FLT3: variants seen among roughly 807,000 people sequenced by gnomAD.
FLT3 encodes the protein fms related receptor tyrosine kinase 3, also known as receptor-type tyrosine-protein kinase FLT3.
Under a neutral mutation model 126.6 loss-of-function variants are expected in FLT3, and 46 were observed. That is an observed-to-expected ratio of 0.36 (90% CI 0.29 to 0.46). The LOEUF (loss-of-function observed/expected upper bound fraction) is 0.46, where lower values mean the gene tolerates loss of function less well. Among genes scored for constraint, FLT3 ranks in the 20% least tolerant of loss-of-function variants. FLT3 has a pLI of 1.00. For missense variants in FLT3, 1,069 were observed against 1,190.3 expected (o/e 0.90, Z 1.50); for synonymous variants, 404 against 434.4 (o/e 0.93, Z 0.87).
intron 12 of FLT3, among the ~76,000 whole-genome samples, chr13:28,034,788 C>G (rs1432872541): frequency 6.6e-6 from 1 of 152,024 alleles, no homozygotes; most frequent in Non-Finnish European, 1.5e-5. Context: ...AATCCCGTCT[C>G]TAAAAAAATT....
chr13:28,091,807 C>T (rs944489756), intron 1 of FLT3, among the ~76,000 whole-genome samples: 11 of 152,110 alleles, frequency 7.2e-5, no homozygotes, highest in African/African-American at 2.7e-4. Context: ...GCCAGGATTA[C>T]GCCTGTAATC....
At chr13:28,035,186 G>A (rs1873723201) in intron 12 of FLT3, among the ~76,000 whole-genome samples, 1 of 152,110 alleles carries the variant, frequency 6.6e-6, no homozygotes, top group Non-Finnish European at 1.5e-5. Context: ...AATCAAAAGG[G>A]AAAATGACAG....
chr13:28,089,494 G>C (rs1878889204), intron 1 of FLT3, among the ~76,000 whole-genome samples: 1 of 151,928 alleles, frequency 6.6e-6, no homozygotes. Flanking sequence ...AACAAACTGA[G>C]GCCTATCCAT....
At chr13:28,056,144 C>G (rs1875981295) in intron 4 of FLT3, among the ~76,000 whole-genome samples, 1 of 152,178 alleles carries the variant, frequency 6.6e-6, no homozygotes, top group Non-Finnish European at 1.5e-5. Context: ...GTAGCTTTGA[C>G]AGCAAGACCC....
rs1250019200 is a variant in FLT3 at position 28,062,072 on chromosome 13, A to G, written c.166-3T>C. On this transcript the variant is annotated splice_region_variant and splice_polypyrimidine_tract_variant and intron_variant, in intron 2 of 23. Transcript: ENST00000241453. ...AGGTCTTCCGGGGATTCTGATACCT[A>G]CGTTGCAGATAGAACAAAGTGAATT... 2 of 1,610,704 alleles carry G rather than the reference A, an allele frequency of 1.2e-6. No individual in the cohort carries two copies. The highest frequency in any genetic ancestry group is 4.5e-5 in the East Asian group (2 of 44,860).
intron 1 of FLT3, among the ~76,000 whole-genome samples, chr13:28,099,074 T>C (rs2137841268): frequency 6.6e-6 from 1 of 152,260 alleles, no homozygotes; most frequent in Non-Finnish European, 1.5e-5. Flanking sequence ...TGTGCATATT[T>C]ACTGTGTGCC....
At chr13:28,091,152 T>C (rs1879004261) in intron 1 of FLT3, among the ~76,000 whole-genome samples, 1 of 149,194 alleles carries the variant, frequency 6.7e-6, no homozygotes, top group Admixed American at 6.7e-5. Context: ...CTGAAAGTTA[T>C]CAGCTTTGAA....
At chr13:28,050,426 A>T (rs1875333704) in intron 5 of FLT3, among the ~76,000 whole-genome samples, 1 of 152,234 alleles carries the variant, frequency 6.6e-6, no homozygotes, top group Non-Finnish European at 1.5e-5. Context: ...ATGAATTAGC[A>T]TAACACTAAG....
intron 1 of FLT3, among the ~76,000 whole-genome samples, chr13:28,094,263 G>A (rs994292357): frequency 6.6e-6 from 1 of 152,016 alleles, no homozygotes; most frequent in Non-Finnish European, 1.5e-5. Context: ...AATATTCCAA[G>A]ACCGAATTCA....
intron 9 of FLT3, among the ~76,000 whole-genome samples, chr13:28,040,744 C>G (rs563487820): frequency 1.3e-5 from 2 of 152,092 alleles, no homozygotes; most frequent in Non-Finnish European, 2.9e-5. Flanking sequence ...CATCTGTAAT[C>G]CCAGCACTCT....
rs377441260 is a variant in FLT3 at position 28,023,492 on chromosome 13, C to T, written c.2291-15G>A. On this transcript the variant is annotated splice_polypyrimidine_tract_variant and intron_variant, in intron 18 of 23. Coordinates refer to ENST00000241453, the MANE Select transcript of FLT3 (RefSeq NM_004119.3). Reference sequence around the variant, plus strand: ...TTCAATTTCATCTGTAAAATAGAGCCAGTCTTCACTTTTGCCAAAACTCTA... The same window carrying T: ...TTCAATTTCATCTGTAAAATAGAGCTAGTCTTCACTTTTGCCAAAACTCTA... 23 of 1,611,552 alleles carry T rather than the reference C, an allele frequency of 1.4e-5. No individual in the cohort carries two copies. Among genetic ancestry groups the T allele is most frequent in the African/African-American group, 2.7e-5 (2 of 74,734 alleles).
chr13:28,076,292 C>A (rs987537973), intron 1 of FLT3, among the ~76,000 whole-genome samples: 5 of 152,116 alleles, frequency 3.3e-5, no homozygotes, highest in Non-Finnish European at 7.3e-5. Flanking sequence ...TAGTAGCCTT[C>A]TCCAGAGGGA....
At chr13:28,099,727 T>G (rs372523932) in intron 1 of FLT3, among the ~76,000 whole-genome samples, 3 of 152,240 alleles carry the variant, frequency 2.0e-5, no homozygotes, top group South Asian at 4.1e-4. Context: ...TGGGAAGATT[T>G]TTTTTTTCAA....
At chr13:28,050,495 G>T (rs564109587) in intron 5 of FLT3, among the ~76,000 whole-genome samples, 50 of 152,232 alleles carry the variant, frequency 3.3e-4, no homozygotes, top group African/African-American at 1.2e-3. Flanking sequence ...CTTTGTTGCT[G>T]TTGTTTAAAG....
chr13:28,072,824 A>G (rs1877636930), intron 1 of FLT3, among the ~76,000 whole-genome samples: 2 of 150,626 alleles, frequency 1.3e-5, no homozygotes, highest in South Asian at 4.2e-4. Context: ...TAACGTGGTG[A>G]AACCCCGTCT....
In FLT3 at chr13:28,014,554, G is replaced by A; in HGVS notation, c.2757C>T (p.Tyr919=). The change falls in exon 23 of 24, where the codon TAC becomes TAT. Residue 919 remains tyrosine (Y), a synonymous_variant. Transcript: ENST00000241453. Reference sequence around the variant, plus strand: ...AAGCCCAGCAGGATTGCATTATAATGTATCTGTAAAAGCAATAGAACAAGG... The same window carrying A: ...AAGCCCAGCAGGATTGCATTATAATATATCTGTAAAAGCAATAGAACAAGG... The part of the protein sequence containing the change: ...DQPFYATEEI[Y]IIMQSCWAFD... 1 of 1,607,414 alleles carries A rather than the reference G, an allele frequency of 6.2e-7. No homozygotes were observed.
chr13:28,070,787 G>C (rs1215143511), intron 1 of FLT3, among the ~76,000 whole-genome samples, 175 bp from the exon 2 acceptor site: 1 of 152,184 alleles, frequency 6.6e-6, no homozygotes, highest in Non-Finnish European at 1.5e-5. Flanking sequence ...ATCAGGAGCA[G>C]AGATACTTAG....
intron 19 of FLT3, among the ~76,000 whole-genome samples, chr13:28,019,727 C>T (rs572835694): frequency 1.3e-5 from 2 of 152,256 alleles, no homozygotes; most frequent in South Asian, 2.1e-4. Flanking sequence ...CACACAGTCT[C>T]GATCTGACGG....
At chr13:28,097,281 T>A (rs1299347814) in intron 1 of FLT3, among the ~76,000 whole-genome samples, 1 of 152,004 alleles carries the variant, frequency 6.6e-6, no homozygotes, top group African/African-American at 2.4e-5. Flanking sequence ...AAAATGGGTA[T>A]TCAATTAAAG....
Sources: gnomAD v4.1 joint callset for allele counts (sites outside exome capture counted in the v4.1 genomes callset) on GRCh38, gnomAD v4.1.1 for gene constraint, MANE v1.5 for transcripts, NCBI Gene and HGNC (gene_info 2026-07-23, HGNC 2026-07-21) for gene names.